The following ETS2 variants were observed in gnomAD, a reference collection of about 807,000 sequenced individuals.
ETS2 encodes the protein ETS proto-oncogene 2, transcription factor, also known as protein C-ets-2.
A neutral mutation model predicts 54.9 loss-of-function variants in ETS2; 19 were observed. That is an observed-to-expected ratio of 0.35 (90% CI 0.24 to 0.51). The LOEUF (loss-of-function observed/expected upper bound fraction) is 0.51. ETS2 is among the 20% of genes least tolerant of loss of function. ETS2 has a pLI of 0.97. For missense variants in ETS2, 417 were observed against 593.0 expected, an observed-to-expected ratio of 0.70 and a Z score of 3.08; for synonymous variants, 219 against 229.3, an observed-to-expected ratio of 0.95 and a Z score of 0.41.
At chr21:38,810,683 C>T (rs1012665617) in intron 2 of ETS2, among the ~76,000 whole-genome samples, 1 of 152,204 alleles carries the variant, frequency 6.6e-6, no homozygotes, top group African/African-American at 2.4e-5. Context: ...TGGGAACATT[C>T]TTTAGTAGCA....
chr21:38,819,437 A>G (rs2123422654), intron 7 of ETS2, 66 bp from the exon 8 acceptor site: 2 of 1,488,356 alleles, frequency 1.3e-6, no homozygotes, highest in South Asian at 1.2e-5. Flanking sequence ...TGGTGATGCT[A>G]TGGTCGTGCC....
intron 6 of ETS2, among the ~76,000 whole-genome samples, 155 bp from the exon 7 acceptor site, chr21:38,818,270 G>T (rs1044341093): frequency 1.3e-5 from 2 of 152,154 alleles, no homozygotes; most frequent in South Asian, 2.1e-4. Flanking sequence ...TGAGAAGAAG[G>T]CCTGGTGACA....
intron 6 of ETS2, 56 bp downstream of exon 6, chr21:38,817,147 T>G: frequency 8.5e-7 from 1 of 1,169,858 alleles, no homozygotes; most frequent in Non-Finnish European, 1.3e-6. Context: ...CCCAGTAGAC[T>G]TGGAATCTCT....
chr21:38,809,137 T>C (rs1013368660), intron 1 of ETS2, among the ~76,000 whole-genome samples: 4 of 152,250 alleles, frequency 2.6e-5, no homozygotes, highest in African/African-American at 9.6e-5. Context: ...TATTTCAAAT[T>C]AACCTAATAT....
At chr21:38,822,375 C>A (rs1012232360) in intron 9 of ETS2, among the ~76,000 whole-genome samples, 14 of 152,180 alleles carry the variant, frequency 9.2e-5, no homozygotes, top group Admixed American at 3.9e-4. Context: ...ACCACCTTTC[C>A]CTGGTCTCAG....
In ETS2 at chr21:38,806,888, T is replaced by A. The variant is rs926030377; in HGVS notation, c.-1+768T>A. On this transcript the variant is annotated intron_variant, in intron 1 of 9. Transcript: ENST00000360938. This position sits in a 1 kb window ranked among gnomAD's most constrained non-coding sequence, Gnocchi z 4.3. ...ATTTTTTACGGCAGGAGACCTTTTA[T>A]GTTAGCCTGTACACAATTTCAGGGT... The A allele has an allele frequency of 2.1e-6, 2 of 958,440 alleles. No homozygotes were observed. The highest frequency in any genetic ancestry group is 1.2e-4 in the East Asian group (1 of 8,694). The allele number at this position is 958,440 out of a possible 1,614,324, so 59.4% of individuals were successfully genotyped here.
At chr21:38,808,300 C>T (rs1183959676) in intron 1 of ETS2, among the ~76,000 whole-genome samples, 2 of 152,154 alleles carry the variant, frequency 1.3e-5, no homozygotes, top group East Asian at 3.9e-4. Context: ...GGGCTTAGCT[C>T]TTAGTAACTA....
intron 1 of ETS2, among the ~76,000 whole-genome samples, chr21:38,807,907 G>T (rs913382114): frequency 6.6e-6 from 1 of 152,188 alleles, no homozygotes; most frequent in Non-Finnish European, 1.5e-5. Context: ...TCTGTTTGAG[G>T]CTTGTTTATT....
chr21:38,805,460 C>A, upstream of ETS2: 1 of 1,288,390 alleles, frequency 7.8e-7, no homozygotes, highest in Non-Finnish European at 1.0e-6. This position sits in a 1 kb window ranked among gnomAD's most constrained non-coding sequence, Gnocchi z 5.2. Flanking sequence ...GCGTTAGGGC[C>A]TTGGCCCCAG....
chr21:38,819,946 G>T (rs2060951287), intron 8 of ETS2, among the ~76,000 whole-genome samples, 180 bp downstream of exon 8: 1 of 152,184 alleles, frequency 6.6e-6, no homozygotes, highest in African/African-American at 2.4e-5. Context: ...GCCACACTTG[G>T]AGGAATTTTC....
At chr21:38,809,899 C>A in intron 1 of ETS2, 136 bp from the exon 2 acceptor site, 1 of 602,326 alleles carries the variant, frequency 1.7e-6, no homozygotes, top group Non-Finnish European at 2.9e-6. Context: ...GCCATTTAAA[C>A]AAGAATTCCC....
At position 38,806,700 on chromosome 21, in the gene ETS2, T is replaced by G; in HGVS notation, c.-1+580T>G. Reference sequence around the variant, plus strand: ...TGCTCGCCGCGTCCAGGGCCCGGGCTGGGGACCCCTCGGTCGTGCGAGGAG... The same window carrying G: ...TGCTCGCCGCGTCCAGGGCCCGGGCGGGGGACCCCTCGGTCGTGCGAGGAG... On this transcript the variant is annotated intron_variant, in intron 1 of 9. Transcript: ENST00000360938. The surrounding 1 kb of genome is among the most constrained non-coding windows in gnomAD (Gnocchi z 4.3). 2.0e-6 allele frequency: 2 copies of G among 985,394 alleles called. No homozygotes were observed. The highest frequency in any genetic ancestry group is 2.4e-6 in the Non-Finnish European group (2 of 829,950). 61.0% of individuals were successfully genotyped at this position (985,394 alleles called of 1,614,324 possible). A position where few individuals can be genotyped will look rare whatever the true frequency, so the allele number is the denominator to read the frequency against.
At chr21:38,815,085 T>G in intron 5 of ETS2, 104 bp downstream of exon 5, 1 of 1,093,430 alleles carries the variant, frequency 9.1e-7, no homozygotes, top group Admixed American at 1.9e-5. Flanking sequence ...GGTTGCCACT[T>G]GAAATGACAT....
chr21:38,822,782 G>A lies in ETS2; in HGVS notation c.1303G>A (p.Gly435Arg). 6.2e-7 allele frequency: 1 copy of A among 1,614,172 alleles called. No homozygotes were observed. Among genetic ancestry groups the A allele is most frequent in the Non-Finnish European group, 8.5e-7 (1 of 1,180,022 alleles). Residue 435 changes from glycine to arginine, a missense_variant, in exon 10 of 10, where the codon GGG (glycine) becomes AGG (arginine). Coordinates refer to ENST00000360938, the MANE Select transcript of ETS2 (RefSeq NM_005239.6). ...YDKNIIHKTS[G>R]KRYVYRFVCD... ...CAAGAACATCATCCACAAGACGTCG[G>A]GGAAGCGCTACGTGTACCGCTTCGT... is the stretch of plus-strand genomic sequence containing the variant.
chr21:38,813,693 A>G lies in ETS2; in HGVS notation c.184+579A>G, dbSNP rs750555474. On this transcript the variant is annotated intron_variant, in intron 3 of 9. Transcript: ENST00000360938. ...CAGAGATGACTGTGTCATGTGAAGT[A>G]GGTGCTGAGAATACAGGCCAGAAAA... is the stretch of plus-strand genomic sequence containing the variant. Among the ~76,000 whole-genome samples the G allele has an allele frequency of 3.8e-4, 58 of 152,366 alleles. No homozygotes were observed. In the South Asian group the frequency reaches 0.011, roughly 28 times the overall value.
chr21:38,820,455 C>T lies in ETS2; in HGVS notation c.1075+689C>T, dbSNP rs929981043. On this transcript the variant is annotated intron_variant, in intron 8 of 9. Transcript: ENST00000360938. ...TCTGTCATCTAAGAACAATCAGCCA[C>T]GTAAACGTATTAAAATACACGGAAA... is the stretch of plus-strand genomic sequence containing the variant. Among the ~76,000 whole-genome samples the T allele has an allele frequency of 5.3e-5, 8 of 152,060 alleles. No individual in the cohort carries two copies. In the South Asian group the frequency reaches 6.2e-4, roughly 12 times the overall value.
intron 9 of ETS2, among the ~76,000 whole-genome samples, chr21:38,822,273 C>T (rs2060961307): frequency 6.6e-6 from 1 of 152,218 alleles, no homozygotes; most frequent in Non-Finnish European, 1.5e-5. Flanking sequence ...GGGAGACAAG[C>T]ATTGAGGAAT....
At position 38,819,720 on chromosome 21, in the gene ETS2, G is replaced by A. The variant is rs2060950243; in HGVS notation, c.1029G>A (p.Glu343=). The A allele has an allele frequency of 6.2e-7, 1 of 1,613,784 alleles. No individual in the cohort carries two copies. The highest frequency in any genetic ancestry group is 1.7e-5 in the Admixed American group (1 of 59,990). ...DYIQERSDPV[E]QGKPVIPAAV... is the part of the protein sequence containing the mutation. ...TCCAAGAGAGGAGTGACCCAGTGGA[G>A]CAAGGCAAACCAGTTATACCTGCAG... Residue 343 remains glutamate (E), a synonymous_variant, in exon 8 of 10, where the codon GAG becomes GAA. Transcript: ENST00000360938.
intron 6 of ETS2, 55 bp from the exon 7 acceptor site, chr21:38,818,370 G>A (rs1357102105): frequency 1.4e-5 from 22 of 1,610,886 alleles, no homozygotes; most frequent in Middle Eastern, 4.3e-4. Flanking sequence ...GTAGGGGTTA[G>A]TTACTGGGGT....
Sources: gnomAD v4.1 joint callset for allele counts (sites outside exome capture counted in the v4.1 genomes callset) on GRCh38, gnomAD v4.1.1 for gene constraint, Gnocchi (gnomAD v3.1) non-coding constraint, MANE v1.5 for transcripts, NCBI Gene and HGNC (gene_info 2026-07-23, HGNC 2026-07-21) for gene names.